Variants in MCTP1 observed in about 807,000 individuals in gnomAD.
The protein encoded by MCTP1 is multiple C2 and transmembrane domain containing 1.
A neutral mutation model predicts 120.6 loss-of-function variants in MCTP1; 69 were observed. That is an observed-to-expected ratio of 0.57 (90% CI 0.47 to 0.70). The LOEUF is 0.70. Ranked by LOEUF, MCTP1 falls within the 30% of genes least tolerant of loss-of-function variation. The pLI, the probability that MCTP1 is intolerant of heterozygous loss-of-function variation, is 0.00. For missense variants in MCTP1, 1,203 were observed against 1,248.8 expected (o/e 0.96, Z 0.55); for synonymous variants, 529 against 493.1 (o/e 1.07, Z -0.96).
At chr5:94,777,938 G>GTGTGTT (rs1775770064) in intron 19 of MCTP1, among the ~76,000 whole-genome samples, 2 of 151,586 alleles carry the variant, frequency 1.3e-5, no homozygotes, top group East Asian at 3.9e-4. Context: ...GTGTGTGTGT[G>GTGTGTT]TGTGTGTGTG....
chr5:95,100,390 G>T (rs1488165077), intron 1 of MCTP1, among the ~76,000 whole-genome samples: 1 of 152,136 alleles, frequency 6.6e-6, no homozygotes, highest in East Asian at 1.9e-4. Context: ...GAGTAAATCA[G>T]TCATTCAGAA....
chr5:94,986,840 A>G (rs1830509200), intron 2 of MCTP1, among the ~76,000 whole-genome samples: 1 of 151,972 alleles, frequency 6.6e-6, no homozygotes, highest in Non-Finnish European at 1.5e-5. Flanking sequence ...TATTTTTATT[A>G]AAATGGTTAA....
At chr5:94,974,894 T>G (rs1827755384) in intron 2 of MCTP1, among the ~76,000 whole-genome samples, 1 of 152,164 alleles carries the variant, frequency 6.6e-6, no homozygotes, top group Non-Finnish European at 1.5e-5. Flanking sequence ...ACATCACAAA[T>G]GACCATGGTA....
intron 7 of MCTP1, among the ~76,000 whole-genome samples, chr5:94,918,300 G>A (rs1810651813): frequency 6.6e-6 from 1 of 152,168 alleles, no homozygotes; most frequent in Non-Finnish European, 1.5e-5. Context: ...ACTATAGCAA[G>A]AGAAATCATG....
At chr5:94,716,350 A>G (rs546377612) in intron 19 of MCTP1, among the ~76,000 whole-genome samples, 74 of 152,206 alleles carry the variant, frequency 4.9e-4, no homozygotes, top group Non-Finnish European at 7.9e-4. Flanking sequence ...TTCACTTGTC[A>G]TGACAGACGT....
At chr5:95,050,374 G>A (rs1745577391) in intron 1 of MCTP1, among the ~76,000 whole-genome samples, 1 of 152,108 alleles carries the variant, frequency 6.6e-6, no homozygotes, top group South Asian at 2.1e-4. Flanking sequence ...TAACTTAGCT[G>A]GGATTCCTGT....
intron 1 of MCTP1, among the ~76,000 whole-genome samples, chr5:95,193,645 T>C (rs1029531872): frequency 2.0e-5 from 3 of 152,032 alleles, no homozygotes; most frequent in African/African-American, 7.2e-5. Flanking sequence ...ACCATTAACA[T>C]GGGCAAACAT....
At chr5:95,124,646 G>A (rs1176975797) in intron 1 of MCTP1, among the ~76,000 whole-genome samples, 1 of 152,156 alleles carries the variant, frequency 6.6e-6, no homozygotes, top group Non-Finnish European at 1.5e-5. Context: ...TGGGGGTAAA[G>A]TCCTATCCCA....
At chr5:94,726,901 A>C (rs1762241452) in intron 19 of MCTP1, among the ~76,000 whole-genome samples, 1 of 152,188 alleles carries the variant, frequency 6.6e-6, no homozygotes, top group South Asian at 2.1e-4. Flanking sequence ...CCCCAAAACT[A>C]ACCTTGAGTT....
intron 1 of MCTP1, among the ~76,000 whole-genome samples, chr5:95,085,780 CA>C (rs1755389421): frequency 6.6e-6 from 1 of 152,020 alleles, no homozygotes; most frequent in Admixed American, 6.6e-5. Flanking sequence ...GCTGAAATAC[CA>C]AGAGTCTTGA....
chr5:94,860,278 T>C (rs908166026), intron 17 of MCTP1, among the ~76,000 whole-genome samples: 2 of 151,598 alleles, frequency 1.3e-5, no homozygotes, highest in African/African-American at 4.8e-5. Context: ...TCATTAAAAA[T>C]ATAAAGAGTA....
intron 19 of MCTP1, among the ~76,000 whole-genome samples, chr5:94,756,762 T>C (rs956986154): frequency 1.3e-5 from 2 of 152,218 alleles, no homozygotes; most frequent in Non-Finnish European, 2.9e-5. Flanking sequence ...GATGCCTGAA[T>C]TGCTATATTT....
At chr5:95,094,520 T>A (rs1300710302) in intron 1 of MCTP1, among the ~76,000 whole-genome samples, 1 of 152,188 alleles carries the variant, frequency 6.6e-6, no homozygotes, top group African/African-American at 2.4e-5. Flanking sequence ...CCTTTAGGAA[T>A]CTAAGAGAAA....
intron 1 of MCTP1, among the ~76,000 whole-genome samples, chr5:95,050,504 C>T (rs894563806): frequency 6.6e-6 from 1 of 152,166 alleles, no homozygotes; most frequent in African/African-American, 2.4e-5. Context: ...AGATGTTTCA[C>T]ACTTGCTTGT....
At chr5:95,111,722 A>C (rs1471080286) in intron 1 of MCTP1, among the ~76,000 whole-genome samples, 4 of 152,204 alleles carry the variant, frequency 2.6e-5, no homozygotes, top group Non-Finnish European at 5.9e-5. Context: ...TGAACATGAC[A>C]AGTCAGTGAA....
chr5:95,204,512 G>T (rs1304381977), intron 1 of MCTP1, among the ~76,000 whole-genome samples: 1 of 152,148 alleles, frequency 6.6e-6, no homozygotes, highest in Non-Finnish European at 1.5e-5. Context: ...CACTGCACTA[G>T]AGATTCTTGC....
At chr5:95,020,627 T>TA (rs1838023573) in intron 1 of MCTP1, among the ~76,000 whole-genome samples, 1 of 152,024 alleles carries the variant, frequency 6.6e-6, no homozygotes, top group African/African-American at 2.4e-5. Flanking sequence ...TTTTCCCCTC[T>TA]AATGACTTCT....
At chr5:95,174,897 T>A (rs559288525) in intron 1 of MCTP1, among the ~76,000 whole-genome samples, 1 of 152,236 alleles carries the variant, frequency 6.6e-6, no homozygotes, top group African/African-American at 2.4e-5. Context: ...GTATTTTTCT[T>A]CTTACATAAT....
chr5:95,161,866 C>G (rs1040346596), intron 1 of MCTP1, among the ~76,000 whole-genome samples: 2 of 152,168 alleles, frequency 1.3e-5, no homozygotes, highest in African/African-American at 4.8e-5. Context: ...AATCACTCTA[C>G]TATACTCCTA....
Sources: gnomAD v4.1 joint callset for allele counts (sites outside exome capture counted in the v4.1 genomes callset) on GRCh38, gnomAD v4.1.1 for gene constraint, MANE v1.5 for transcripts, NCBI Gene and HGNC (gene_info 2026-07-23, HGNC 2026-07-21) for gene names.